The following PXYLP1 variants were observed in gnomAD, a reference collection of about 807,000 sequenced individuals.
The protein encoded by PXYLP1 is acid phosphatase-like 2.
A neutral mutation model predicts 37.9 loss-of-function variants in PXYLP1; 17 were observed. The observed-to-expected ratio is 0.45, with a 90% CI of 0.31 to 0.67. The LOEUF is 0.67. Among genes scored for constraint, PXYLP1 ranks in the 30% least tolerant of loss-of-function variants. The pLI, the probability that PXYLP1 is intolerant of heterozygous loss-of-function variation, is 0.07. For synonymous variants in PXYLP1, 221 were observed against 232.2 expected (o/e 0.95, Z 0.44); for missense variants, 511 against 612.0 (o/e 0.84, Z 1.74).
Position 141,250,628 on chromosome 3 carries a change from G to A in PXYLP1, c.-53-9495G>A, listed in dbSNP as rs894507223. ...TCTGGAGAAGGCTTCTTTGCTTCCA[G>A]TAGAGATGAACAGAGTTATCCCTTC... On this transcript the variant is annotated intron_variant, in intron 1 of 5. Transcript: ENST00000286353. Among the ~76,000 whole-genome samples, 4 of 152,234 alleles carry A rather than the reference G, an allele frequency of 2.6e-5. No homozygotes were observed. In the South Asian group the frequency reaches 6.2e-4, roughly 24 times the overall value.
chr3:141,234,410 G>T (rs901816200), intron 1 of PXYLP1: 2 of 152,162 alleles, frequency 1.3e-5, no homozygotes, highest in African/African-American at 4.8e-5. Flanking sequence ...CAGAGCTGTA[G>T]CCCCAGTCCC....
intron 2 of PXYLP1, among the ~76,000 whole-genome samples, chr3:141,263,637 T>C (rs1372745306): frequency 3.9e-5 from 6 of 152,246 alleles, no homozygotes; most frequent in African/African-American, 1.4e-4. Context: ...CCCTTGCATT[T>C]TCTTAATGCT....
intron 1 of PXYLP1, among the ~76,000 whole-genome samples, chr3:141,252,854 CTG>C (rs1299188914): frequency 6.6e-6 from 1 of 152,166 alleles, no homozygotes; most frequent in African/African-American, 2.4e-5. Context: ...GAGAGAGGGT[CTG>C]TGGTGCGGCA....
intron 1 of PXYLP1, among the ~76,000 whole-genome samples, chr3:141,243,360 C>T (rs757754298): frequency 6.6e-6 from 1 of 152,192 alleles, no homozygotes; most frequent in Non-Finnish European, 1.5e-5. Flanking sequence ...CACCTTCATC[C>T]AGTCAGGCGT....
At position 141,288,916 on chromosome 3, in the gene PXYLP1, A is replaced by C. The variant is rs147320784; in HGVS notation, c.505+1463A>C. Among the ~76,000 whole-genome samples, 648 of 152,326 alleles carry C rather than the reference A, an allele frequency of 4.3e-3. 5 individuals carry two copies. Among genetic ancestry groups the C allele is most frequent in the African/African-American group, 0.015 (616 of 41,568 alleles). ...GTCTCAATGAATGAATGAATGAATG[A>C]ATGTAATCTTTCTATGCAGTTAATT... On this transcript the variant is annotated intron_variant, in intron 5 of 5. Transcript: ENST00000286353.
At chr3:141,280,235 G>A (rs1209891446) in intron 4 of PXYLP1, among the ~76,000 whole-genome samples, 2 of 152,252 alleles carry the variant, frequency 1.3e-5, no homozygotes, top group African/African-American at 4.8e-5. Flanking sequence ...TGGGGAAGAC[G>A]TTATTTTGAT....
At chr3:141,258,507 C>CATTCACA (rs1553752470) in intron 1 of PXYLP1, 1 of 153,026 alleles carries the variant, frequency 6.5e-6, no homozygotes, top group Non-Finnish European at 1.5e-5. Context: ...TATTCACAAG[C>CATTCACA]ACATTCAAGA....
At chr3:141,271,402 C>G (rs1224060102) in intron 2 of PXYLP1, among the ~76,000 whole-genome samples, 1 of 152,200 alleles carries the variant, frequency 6.6e-6, no homozygotes, top group Non-Finnish European at 1.5e-5. Flanking sequence ...AAGGAAGTGA[C>G]TAGCCCAGTG....
At chr3:141,262,601 T>C (rs1177314604) in intron 2 of PXYLP1, 3 of 1,472,266 alleles carry the variant, frequency 2.0e-6, no homozygotes, top group East Asian at 5.0e-5. Flanking sequence ...TTTTCAGCCA[T>C]ACTTTTTTAA....
At chr3:141,279,554 G>A in intron 4 of PXYLP1, 50 bp downstream of exon 4, 1 of 1,607,582 alleles carries the variant, frequency 6.2e-7, no homozygotes, top group Non-Finnish European at 8.5e-7. Flanking sequence ...GTTATATCCT[G>A]TAGGATAGAG....
intron 1 of PXYLP1, among the ~76,000 whole-genome samples, chr3:141,245,200 C>G (rs1192403629): frequency 6.6e-6 from 1 of 151,898 alleles, no homozygotes; most frequent in Non-Finnish European, 1.5e-5. Flanking sequence ...TAGGTGCCCG[C>G]CACCATGCCC....
At chr3:141,274,902 T>G (rs1433443040) in intron 2 of PXYLP1, among the ~76,000 whole-genome samples, 1 of 152,130 alleles carries the variant, frequency 6.6e-6, no homozygotes, top group Non-Finnish European at 1.5e-5. Context: ...AGAGTAGAGT[T>G]GCCAGCAAAC....
intron 4 of PXYLP1, among the ~76,000 whole-genome samples, chr3:141,285,768 C>T (rs945923251): frequency 1.3e-5 from 2 of 152,154 alleles, no homozygotes; most frequent in Non-Finnish European, 2.9e-5. Flanking sequence ...TCTTGGCAGC[C>T]TCATTGTCAG....
Position 141,256,288 on chromosome 3 carries a change from A to C in PXYLP1, c.-53-3835A>C, listed in dbSNP as rs114485675. On this transcript the variant is annotated intron_variant, in intron 1 of 5. Transcript: ENST00000286353. ...GTCTCTTATCCTCAGTCTTATTTAA[A>C]AAGCAGGATCCTGCAGCTCAGAGAG... 3.8e-3 allele frequency among the ~76,000 whole-genome samples: 583 copies of C among 152,254 alleles called. 2 individuals are homozygous for C. Among genetic ancestry groups the C allele is most frequent in the African/African-American group, 0.012 (511 of 41,524 alleles).
At chr3:141,257,809 C>T (rs1023084536) in intron 1 of PXYLP1, among the ~76,000 whole-genome samples, 3 of 146,882 alleles carry the variant, frequency 2.0e-5, no homozygotes, top group South Asian at 2.1e-4. Context: ...GAGGCTGAAG[C>T]AGGAGAATCA....
At chr3:141,254,866 C>T (rs1459725304) in intron 1 of PXYLP1, among the ~76,000 whole-genome samples, 2 of 152,098 alleles carry the variant, frequency 1.3e-5, no homozygotes, top group South Asian at 2.1e-4. Context: ...GGTAATTGTA[C>T]ATTTTCTTTC....
intron 4 of PXYLP1, among the ~76,000 whole-genome samples, chr3:141,282,595 C>CT (rs1177524515): frequency 6.6e-6 from 1 of 152,084 alleles, no homozygotes; most frequent in Non-Finnish European, 1.5e-5. Flanking sequence ...TGTTTTTGTT[C>CT]ACTGCTGCTG....
intron 4 of PXYLP1, among the ~76,000 whole-genome samples, chr3:141,281,551 G>A (rs1941956895): frequency 6.6e-6 from 1 of 152,212 alleles, no homozygotes; most frequent in Non-Finnish European, 1.5e-5. Context: ...AGAGAAAGAA[G>A]AGGAAGAAAT....
At chr3:141,250,908 A>G (rs931336841) in intron 1 of PXYLP1, among the ~76,000 whole-genome samples, 14 of 152,248 alleles carry the variant, frequency 9.2e-5, no homozygotes, top group African/African-American at 3.4e-4. Context: ...TTATAGATAC[A>G]TGAATTATTT....
Sources: gnomAD v4.1 joint callset for allele counts (sites outside exome capture counted in the v4.1 genomes callset) on GRCh38, gnomAD v4.1.1 for gene constraint, MANE v1.5 for transcripts, NCBI Gene and HGNC (gene_info 2026-07-23, HGNC 2026-07-21) for gene names.